ZNF573: variants seen among roughly 807,000 people sequenced by gnomAD.
ZNF573 encodes zinc finger protein 573.
ZNF573 carries 41 observed loss-of-function variants against 57.4 expected under a neutral mutation model. That is an observed-to-expected ratio of 0.71 (90% CI 0.56 to 0.93). The LOEUF is 0.93. Among genes scored for constraint, ZNF573 ranks in the 40% least tolerant of loss-of-function variants. The probability of loss-of-function intolerance (pLI) is 0.00; values close to 1 mark genes in which losing one functional copy is unlikely to be tolerated. For missense variants in ZNF573, 730 were observed against 794.8 expected (o/e 0.92, Z 0.98); for synonymous variants, 249 against 261.0 (o/e 0.95, Z 0.44).
chr19:37,771,595 C>A lies in ZNF573; in HGVS notation c.171G>T (p.Met57Ile). 6.2e-7 allele frequency: 1 copy of A among 1,608,444 alleles called. No homozygotes were observed. Among genetic ancestry groups the A allele is most frequent in the Non-Finnish European group, 8.5e-7 (1 of 1,177,642 alleles). The change falls in exon 3 of 5, where the codon ATG (methionine) becomes ATT (isoleucine). Residue 57 changes from methionine to isoleucine, a missense_variant. Transcript: ENST00000536220. ...ATACCAGGTTTCTATAGTTCTCCAA[C>A]ATCACATCCCTGTATAAGTCCCTCT... ...PNQRDLYRDV[M>I]LENYRNLVSL...
chr19:37,739,412 A>G lies in ZNF573; in HGVS notation c.1078T>C (p.Cys360Arg), dbSNP rs1442126110. 4 of 1,614,136 alleles carry G rather than the reference A, an allele frequency of 2.5e-6. No homozygotes were observed. Among genetic ancestry groups the G allele is most frequent in the Non-Finnish European group, 3.4e-6 (4 of 1,180,022 alleles). The change falls in exon 5 of 5, where the codon TGT becomes CGT. Residue 360 changes from cysteine (C) to arginine (R), a missense_variant. Physicochemically the swap from Cys to Arg is radical, Grantham distance 180 (BLOSUM62 -3). Transcript: ENST00000536220. ...RIHKGGKPYE[C>R]KECKKTFTLY... Reference sequence around the variant, plus strand: ...GTAAAGGTTTTCTTACACTCCTTACATTCATAGGGTTTTCCACCTTTATGA... The same window carrying G: ...GTAAAGGTTTTCTTACACTCCTTACGTTCATAGGGTTTTCCACCTTTATGA...
intron 1 of ZNF573, among the ~76,000 whole-genome samples, chr19:37,777,677 T>G (rs1046605735): frequency 1.9e-4 from 28 of 150,518 alleles, no homozygotes; most frequent in Non-Finnish European, 2.7e-4. Flanking sequence ...GAGGCAGAGG[T>G]TGCAGTGAAC....
In ZNF573 at chr19:37,775,036, G is replaced by A. The variant is rs1342359924; in HGVS notation, c.-22-1285C>T. On this transcript the variant is annotated intron_variant, in intron 1 of 4. Transcript: ENST00000536220. The stretch of plus-strand genomic sequence containing the variant: ...TCTTTTTTTTTTTTTTTTTTAAGGG[G>A]CAGGGGGTCTTGCTCTGTCACCCAG... Among the ~76,000 whole-genome samples, 12 of 148,186 alleles carry A rather than the reference G, an allele frequency of 8.1e-5. No individual in the cohort carries two copies. The South Asian group carries it at 8.6e-4, about 11-fold the overall frequency.
intron 1 of ZNF573, among the ~76,000 whole-genome samples, chr19:37,776,737 C>T (rs2045712642): frequency 6.6e-6 from 1 of 152,066 alleles, no homozygotes; most frequent in Non-Finnish European, 1.5e-5. Context: ...ACTGTACATC[C>T]AACAGAGGAC....
Position 37,753,119 on chromosome 19 carries a change from G to A in ZNF573, c.296-12925C>T, listed in dbSNP as rs138162662. On this transcript the variant is annotated intron_variant, in intron 4 of 4. Coordinates refer to ENST00000536220, the MANE Select transcript of ZNF573 (RefSeq NM_001172690.2). ...AAAAATTTTTAAAAAATCAGCCGGG[G>A]TTGGGGCAGGGGGTGTGGCACACAT... 6.4e-3 allele frequency among the ~76,000 whole-genome samples: 981 copies of A among 152,140 alleles called. 31 individuals carry two copies. Among genetic ancestry groups the A allele is most frequent in the East Asian group, 0.053 (276 of 5,180 alleles).
At position 37,770,088 on chromosome 19, in the gene ZNF573, G is replaced by C; in HGVS notation, c.212C>G (p.Ser71Cys). The C allele has an allele frequency of 6.5e-7, 1 of 1,549,960 alleles. No individual in the cohort carries two copies. The highest frequency in any genetic ancestry group is 8.7e-7 in the Non-Finnish European group (1 of 1,146,396). The change falls in exon 4 of 5, where the codon TCC becomes TGC. Residue 71 changes from serine to cysteine, a missense_variant. Ser to Cys is a moderately radical substitution (Grantham distance 112, BLOSUM62 -1). Transcript: ENST00000536220. ...YRNLVSLGGH[S>C]ISKPVVVDLL... ...ATCAACCACAACTGGTTTAGAAATG[G>C]AATGTCCTCCTTATAAGAAAAGAAA...
intron 4 of ZNF573, among the ~76,000 whole-genome samples, chr19:37,765,477 G>A (rs241933): frequency 0.3 from 45,662 of 151,906 alleles, 8,464 homozygotes; most frequent in East Asian, 0.62. Context: ...TTGGGAGGCC[G>A]AGGCAGGCGG....
At chr19:37,760,668 A>G (rs1175443617) in intron 4 of ZNF573, among the ~76,000 whole-genome samples, 1 of 151,890 alleles carries the variant, frequency 6.6e-6, no homozygotes, top group Non-Finnish European at 1.5e-5. Context: ...CTAAAAATAC[A>G]AAAATTAGCC....
intron 4 of ZNF573, among the ~76,000 whole-genome samples, chr19:37,753,266 T>C (rs2045455851): frequency 1.3e-5 from 2 of 152,132 alleles, no homozygotes; most frequent in Admixed American, 1.3e-4. Context: ...TATATATTTA[T>C]GGGGTATATG....
At chr19:37,770,271 C>T (rs538473339) in intron 3 of ZNF573, 174 bp from the exon 4 acceptor site, 5 of 530,720 alleles carry the variant, frequency 9.4e-6, no homozygotes, top group Admixed American at 7.2e-5. Flanking sequence ...CTCATACACG[C>T]GTGGTCTCTT....
chr19:37,772,252 G>A (rs542689881), intron 2 of ZNF573, among the ~76,000 whole-genome samples: 2 of 152,068 alleles, frequency 1.3e-5, no homozygotes, highest in South Asian at 4.2e-4. Flanking sequence ...TCCCATCTCA[G>A]CCTTTCAAGT....
At chr19:37,758,204 T>G (rs1463849289) in intron 4 of ZNF573, among the ~76,000 whole-genome samples, 1 of 3,988 alleles carries the variant, frequency 2.5e-4, no homozygotes, top group Non-Finnish European at 4.9e-4. Context: ...TATAATAAAA[T>G]ATATATATAT....
chr19:37,774,047 T>G (rs1167491331), intron 1 of ZNF573, among the ~76,000 whole-genome samples: 1 of 152,066 alleles, frequency 6.6e-6, no homozygotes, highest in Non-Finnish European at 1.5e-5. Context: ...GCTGCTCAGT[T>G]TCTCCATGAG....
chr19:37,751,955 GTATCGTATATA>G (rs2045440889), intron 4 of ZNF573, among the ~76,000 whole-genome samples: 1 of 97,270 alleles, frequency 1.0e-5, no homozygotes, highest in Non-Finnish European at 2.3e-5. Context: ...ATAGTACATA[GTATCGTATATA>G]TACTGTATAT....
At position 37,738,501 on chromosome 19, in the gene ZNF573, T is replaced by G. The variant is rs1396682263; in HGVS notation, c.1989A>C (p.Ile663=). 6.5e-7 allele frequency: 1 copy of G among 1,532,222 alleles called. No individual in the cohort carries two copies. The highest frequency in any genetic ancestry group is 2.3e-5 in the East Asian group (1 of 44,346). 94.9% of individuals were successfully genotyped at this position (1,532,222 alleles called of 1,614,324 possible). A position where few individuals can be genotyped will look rare whatever the true frequency, so the allele number is the denominator to read the frequency against. The change falls in exon 5 of 5, where the codon ATA becomes ATC. Residue 663 remains isoleucine (I), a synonymous_variant. Coordinates refer to ENST00000536220, the MANE Select transcript of ZNF573 (RefSeq NM_001172690.2). The stretch of plus-strand genomic sequence containing the variant: ...CGTACTCTTTACGGTCTTACACTTT[T>G]ATGCTCCTATGAATTCTCTGATGGG... ...LKAHQRIHRS[I]KV
intron 4 of ZNF573, among the ~76,000 whole-genome samples, chr19:37,765,469 G>A (rs2045593018): frequency 6.6e-6 from 1 of 152,086 alleles, no homozygotes; most frequent in Non-Finnish European, 1.5e-5. Context: ...CCAGCACTTT[G>A]GGAGGCCGAG....
chr19:37,743,466 G>A lies in ZNF573; in HGVS notation c.296-3272C>T, dbSNP rs143784524. Among the ~76,000 whole-genome samples, 989 of 152,174 alleles carry A rather than the reference G, an allele frequency of 6.5e-3. 30 individuals carry two copies. Among genetic ancestry groups the A allele is most frequent in the East Asian group, 0.054 (278 of 5,188 alleles). On this transcript the variant is annotated intron_variant, in intron 4 of 4. Transcript: ENST00000536220. The stretch of plus-strand genomic sequence containing the variant: ...ACCATCTCACACCAGTTAGAATGGC[G>A]ATTATTAAAAAGTCAGGAAACAATA...
At chr19:37,740,332 A>G in intron 4 of ZNF573, 138 bp from the exon 5 acceptor site, 1 of 742,194 alleles carries the variant, frequency 1.3e-6, no homozygotes, top group African/African-American at 1.7e-5. Flanking sequence ...GAAATTTGAA[A>G]AAGGCCAAAA....
At chr19:37,747,705 G>GTCTT (rs2045394448) in intron 4 of ZNF573, among the ~76,000 whole-genome samples, 1 of 151,940 alleles carries the variant, frequency 6.6e-6, no homozygotes, top group Non-Finnish European at 1.5e-5. Flanking sequence ...CTCTCTTACA[G>GTCTT]TCTTTCTTTT....
Sources: allele counts gnomAD v4.1 joint callset (sites outside exome capture counted in the v4.1 genomes callset), GRCh38; gene constraint gnomAD v4.1.1; transcripts MANE v1.5; gene names NCBI Gene and HGNC (gene_info 2026-07-23, HGNC 2026-07-21).